TMEFF1: variants seen among roughly 807,000 people sequenced by gnomAD.
TMEFF1 encodes tomoregulin-1.
A neutral mutation model predicts 47.5 loss-of-function variants in TMEFF1; 20 were observed. The observed-to-expected ratio is 0.42, with a 90% CI of 0.30 to 0.61. The LOEUF (loss-of-function observed/expected upper bound fraction) is 0.61, where lower values mean the gene tolerates loss of function less well. Ranked by LOEUF, TMEFF1 falls within the 20% of genes least tolerant of loss-of-function variation. The probability of loss-of-function intolerance (pLI) is 0.19; values close to 1 mark genes in which losing one functional copy is unlikely to be tolerated. For synonymous variants in TMEFF1, 162 were observed against 166.3 expected, an observed-to-expected ratio of 0.97 and a Z score of 0.20; for missense variants, 411 against 471.1, an observed-to-expected ratio of 0.87 and a Z score of 1.18.
intron 7 of TMEFF1, 84 bp downstream of exon 7, chr9:100,550,244 A>G: frequency 7.2e-7 from 1 of 1,384,336 alleles, no homozygotes; most frequent in Non-Finnish European, 9.9e-7. Context: ...TTCCATTATA[A>G]CAACACCTCT....
chr9:100,492,020 G>A (rs1837561008), intron 1 of TMEFF1, among the ~76,000 whole-genome samples: 1 of 151,990 alleles, frequency 6.6e-6, no homozygotes, highest in Admixed American at 6.6e-5. Context: ...CGAGTAGCTG[G>A]GATTACAGGC....
chr9:100,535,537 G>A (rs979365682), intron 5 of TMEFF1, among the ~76,000 whole-genome samples: 4 of 152,184 alleles, frequency 2.6e-5, no homozygotes, highest in African/African-American at 7.2e-5. Context: ...TTGGGAGGCC[G>A]AGGTGGGGGA....
intron 5 of TMEFF1, among the ~76,000 whole-genome samples, chr9:100,541,348 A>ATTTTTTTTT (rs34971752): frequency 9.4e-6 from 1 of 106,794 alleles, no homozygotes; most frequent in Admixed American, 9.4e-5. Context: ...TGGCAATTTC[A>ATTTTTTTTT]TTTTTTTTTT....
intron 5 of TMEFF1, among the ~76,000 whole-genome samples, chr9:100,527,670 A>G (rs10989136): frequency 0.22 from 33,436 of 151,930 alleles, 4,002 homozygotes; most frequent in South Asian, 0.32. Context: ...GGGGAGGGGC[A>G]CCCGCCATTG....
At chr9:100,479,060 T>C (rs1471030096) in intron 1 of TMEFF1, among the ~76,000 whole-genome samples, 1 of 152,216 alleles carries the variant, frequency 6.6e-6, no homozygotes, top group Non-Finnish European at 1.5e-5. Flanking sequence ...GCCTTATTTG[T>C]GGCAATTCAG....
chr9:100,527,265 G>C lies in TMEFF1; in HGVS notation c.560+10494G>C, dbSNP rs368245535. On this transcript the variant is annotated intron_variant, in intron 5 of 9. Transcript: ENST00000374879. ...AAGATGGCCGAATAGGAACAGCTCC[G>C]GTCTACAGCTCCCAGCGTGAGCCAC... 1.2e-3 allele frequency among the ~76,000 whole-genome samples: 176 copies of C among 152,316 alleles called. 2 individuals carry two copies. The highest frequency in any genetic ancestry group is 9.3e-3 in the East Asian group (48 of 5,170).
chr9:100,562,005 T>C (rs1839026280), intron 8 of TMEFF1, among the ~76,000 whole-genome samples: 1 of 152,152 alleles, frequency 6.6e-6, no homozygotes, highest in Non-Finnish European at 1.5e-5. Flanking sequence ...TGTAACTTGT[T>C]CAAGGTCAAC....
intron 7 of TMEFF1, among the ~76,000 whole-genome samples, chr9:100,552,469 T>C (rs1426792914): frequency 6.6e-6 from 1 of 151,476 alleles, no homozygotes; most frequent in Non-Finnish European, 1.5e-5. Flanking sequence ...AAGGGAGGAG[T>C]TGATGGTGGA....
At chr9:100,512,828 A>G (rs541296833) in intron 3 of TMEFF1, among the ~76,000 whole-genome samples, 2 of 151,942 alleles carry the variant, frequency 1.3e-5, no homozygotes, top group South Asian at 4.2e-4. Flanking sequence ...GGCTTTTCTT[A>G]CCTTTTGGCT....
At chr9:100,559,592 G>T (rs1761453960) in intron 7 of TMEFF1, among the ~76,000 whole-genome samples, 1 of 151,904 alleles carries the variant, frequency 6.6e-6, no homozygotes, top group Non-Finnish European at 1.5e-5. Flanking sequence ...GGCTATATTG[G>T]ATTAAAATAT....
In TMEFF1 at chr9:100,475,535, C is replaced by T. The variant is rs370233288; in HGVS notation, c.196+1795C>T. On this transcript the variant is annotated intron_variant, in intron 1 of 9. Transcript: ENST00000374879. ...TCGCACCATGTCAATATTTTTCCAG[C>T]TAATGTGTCGCGGGTATTTGTTCTT... 3.3e-5 allele frequency among the ~76,000 whole-genome samples: 5 copies of T among 152,222 alleles called. No homozygotes were observed. The East Asian group carries it at 9.6e-4, about 29-fold the overall frequency.
chr9:100,488,228 G>GT (rs902874707), intron 1 of TMEFF1, among the ~76,000 whole-genome samples: 14 of 151,870 alleles, frequency 9.2e-5, no homozygotes, highest in South Asian at 4.2e-4. Flanking sequence ...TTTACAATGT[G>GT]TTTTTTTTCA....
chr9:100,519,647 CTTTTT>C (rs60569330), intron 5 of TMEFF1, among the ~76,000 whole-genome samples: 1 of 65,168 alleles, frequency 1.5e-5, no homozygotes, highest in Non-Finnish European at 2.7e-5. Flanking sequence ...TGCCCAGTGA[CTTTTT>C]TTTTTTTTTT....
chr9:100,534,485 G>C (rs1178344966), intron 5 of TMEFF1, among the ~76,000 whole-genome samples: 1 of 152,190 alleles, frequency 6.6e-6, no homozygotes, highest in African/African-American at 2.4e-5. Context: ...GCACGCTTCT[G>C]TGCTTTGGGC....
chr9:100,494,359 A>G (rs966547262), intron 1 of TMEFF1, among the ~76,000 whole-genome samples: 2 of 152,210 alleles, frequency 1.3e-5, no homozygotes, highest in Admixed American at 1.3e-4. Context: ...ACACACAATC[A>G]TTCTATTGGA....
intron 8 of TMEFF1, among the ~76,000 whole-genome samples, chr9:100,571,945 G>A (rs550601745): frequency 6.6e-6 from 1 of 152,080 alleles, no homozygotes; most frequent in Non-Finnish European, 1.5e-5. Flanking sequence ...TGCCAGTGCT[G>A]ATCTGACAGG....
chr9:100,525,495 C>T (rs1587836689), intron 5 of TMEFF1, among the ~76,000 whole-genome samples: 1 of 152,080 alleles, frequency 6.6e-6, no homozygotes, highest in Admixed American at 6.6e-5. Flanking sequence ...GTCCTGAGTG[C>T]AGGAGCGTCT....
chr9:100,489,564 G>A (rs1207209728), intron 1 of TMEFF1, among the ~76,000 whole-genome samples: 1 of 152,108 alleles, frequency 6.6e-6, no homozygotes, highest in East Asian at 1.9e-4. Context: ...ATACAAGTTT[G>A]TTGTAAAACT....
chr9:100,571,570 G>T (rs1443830219), intron 8 of TMEFF1, among the ~76,000 whole-genome samples: 1 of 151,552 alleles, frequency 6.6e-6, no homozygotes. Context: ...ATATCATGTT[G>T]TACATCAGTG....
Sources: allele counts gnomAD v4.1 joint callset (sites outside exome capture counted in the v4.1 genomes callset), GRCh38; gene constraint gnomAD v4.1.1; transcripts MANE v1.5; gene names NCBI Gene and HGNC (gene_info 2026-07-23, HGNC 2026-07-21).